The following RIT2 variants were observed in gnomAD, a reference collection of about 807,000 sequenced individuals.
RIT2 encodes the protein Ras like without CAAX 2.
A neutral mutation model predicts 23.7 loss-of-function variants in RIT2; 24 were observed. The observed-to-expected ratio is 1.01, with a 90% CI of 0.73 to 1.43. The LOEUF is 1.43. RIT2 is among the 40% of genes most tolerant of loss of function. RIT2 has a pLI of 0.00. For synonymous variants in RIT2, 107 were observed against 91.1 expected (o/e 1.17, Z -0.99); for missense variants, 236 against 266.9 (o/e 0.88, Z 0.81).
At chr18:43,026,624 GAAAGAAAGAA>G (rs1568059906) in intron 2 of RIT2, among the ~76,000 whole-genome samples, 1,471 of 140,388 alleles carry the variant, frequency 0.01, 20 homozygotes, top group Middle Eastern at 0.031. Context: ...AAGAAAGAAA[GAAAGAAAGAA>G]AGAGAGAAAG....
chr18:42,769,674 TC>T (rs1454861284), intron 4 of RIT2, among the ~76,000 whole-genome samples: 1 of 151,928 alleles, frequency 6.6e-6, no homozygotes, highest in Non-Finnish European at 1.5e-5. Flanking sequence ...CTCATAGGAC[TC>T]AGAGGGCCAC....
chr18:42,817,485 G>A (rs1447485336), intron 4 of RIT2, among the ~76,000 whole-genome samples: 1 of 152,104 alleles, frequency 6.6e-6, no homozygotes, highest in African/African-American at 2.4e-5. Context: ...TTTATTAGAT[G>A]TCATAATTAT....
intron 4 of RIT2, among the ~76,000 whole-genome samples, chr18:42,867,200 AGGCTTTGT>A (rs1907495326): frequency 6.6e-6 from 1 of 152,126 alleles, no homozygotes; most frequent in South Asian, 2.1e-4. Flanking sequence ...TGGTGACAAC[AGGCTTTGT>A]GGGGATTCTG....
At chr18:42,827,583 T>A (rs1354826105) in intron 4 of RIT2, among the ~76,000 whole-genome samples, 1 of 151,606 alleles carries the variant, frequency 6.6e-6, no homozygotes, top group Non-Finnish European at 1.5e-5. Flanking sequence ...GGCAAGGAAC[T>A]CACACACAAA....
chr18:42,857,598 C>A (rs1402181802), intron 4 of RIT2, among the ~76,000 whole-genome samples: 1 of 152,304 alleles, frequency 6.6e-6, no homozygotes, highest in Non-Finnish European at 1.5e-5. Context: ...CTGCTGGTGT[C>A]ATTTACAACT....
intron 3 of RIT2, among the ~76,000 whole-genome samples, chr18:42,956,106 G>A (rs983981256): frequency 2.0e-5 from 3 of 152,098 alleles, no homozygotes; most frequent in African/African-American, 7.2e-5. Context: ...GAAAATTCAG[G>A]TAAAGAGTGA....
intron 4 of RIT2, among the ~76,000 whole-genome samples, chr18:42,872,611 T>G (rs1189611996): frequency 2.0e-5 from 3 of 152,234 alleles, no homozygotes; most frequent in Non-Finnish European, 2.9e-5. Context: ...TTCTGTTTAT[T>G]AAGTAATTAG....
intron 2 of RIT2, among the ~76,000 whole-genome samples, chr18:42,999,575 G>T (rs967407736): frequency 6.6e-6 from 1 of 152,156 alleles, no homozygotes; most frequent in East Asian, 1.9e-4. Flanking sequence ...ATCCAACTTG[G>T]CAAATTAACT....
chr18:42,894,681 G>A (rs763227693), intron 4 of RIT2, among the ~76,000 whole-genome samples: 8 of 152,136 alleles, frequency 5.3e-5, no homozygotes, highest in Non-Finnish European at 1.0e-4. Context: ...GTTTATTAGA[G>A]TCAAAATTGA....
intron 4 of RIT2, among the ~76,000 whole-genome samples, chr18:42,830,065 A>T (rs1906412124): frequency 6.6e-6 from 1 of 152,178 alleles, no homozygotes; most frequent in Admixed American, 6.6e-5. Flanking sequence ...ACAAGGAGTG[A>T]GAATTTCTAA....
chr18:43,106,028 CCTGAGTGAATTA>C (rs1404053774), intron 1 of RIT2, among the ~76,000 whole-genome samples: 1 of 152,136 alleles, frequency 6.6e-6, no homozygotes, highest in African/African-American at 2.4e-5. Context: ...GCTCTGGGTT[CCTGAGTGAATTA>C]CTCACCATCT....
chr18:42,984,881 A>G (rs1910675545), intron 2 of RIT2, among the ~76,000 whole-genome samples: 1 of 152,032 alleles, frequency 6.6e-6, no homozygotes, highest in Non-Finnish European at 1.5e-5. Flanking sequence ...AGATAAGAAT[A>G]CTCAGTATCA....
At chr18:43,042,118 C>A (rs1213575336) in intron 1 of RIT2, among the ~76,000 whole-genome samples, 1 of 152,036 alleles carries the variant, frequency 6.6e-6, no homozygotes, top group Non-Finnish European at 1.5e-5. Flanking sequence ...GATGTCCTGT[C>A]AGTGAAATGG....
At chr18:43,022,867 T>C (rs1911628580) in intron 2 of RIT2, among the ~76,000 whole-genome samples, 1 of 152,098 alleles carries the variant, frequency 6.6e-6, no homozygotes, top group South Asian at 2.1e-4. Context: ...GCGATAAGAT[T>C]ATACTAGCAT....
intron 1 of RIT2, among the ~76,000 whole-genome samples, chr18:43,070,867 C>T (rs1912882258): frequency 6.6e-6 from 1 of 152,164 alleles, no homozygotes; most frequent in South Asian, 2.1e-4. Context: ...TCTGCAATTA[C>T]AAGCCAGCTC....
intron 2 of RIT2, among the ~76,000 whole-genome samples, chr18:43,031,930 A>G (rs1911863373): frequency 6.6e-6 from 1 of 152,092 alleles, no homozygotes; most frequent in Non-Finnish European, 1.5e-5. Flanking sequence ...AGTCAGCCAC[A>G]TTGAGTTACA....
chr18:42,857,279 T>C (rs1022750147), intron 4 of RIT2, among the ~76,000 whole-genome samples: 11 of 152,250 alleles, frequency 7.2e-5, no homozygotes, highest in African/African-American at 2.2e-4. Flanking sequence ...TGAGAAATAC[T>C]GAACTAAAAC....
At chr18:43,000,785 T>C (rs1049729991) in intron 2 of RIT2, among the ~76,000 whole-genome samples, 17 of 152,100 alleles carry the variant, frequency 1.1e-4, no homozygotes, top group African/African-American at 4.1e-4. Flanking sequence ...TTCTGAGGCC[T>C]CCCCAGCCAT....
chr18:42,997,053 C>T lies in RIT2; in HGVS notation c.161-22906G>A, dbSNP rs1911001200. Among the ~76,000 whole-genome samples the T allele has an allele frequency of 2.0e-5, 3 of 152,100 alleles. No homozygotes were observed. In the South Asian group the frequency reaches 6.2e-4, roughly 32 times the overall value. On this transcript the variant is annotated intron_variant, in intron 2 of 4. Coordinates refer to ENST00000326695, the MANE Select transcript of RIT2 (RefSeq NM_002930.4). ...ATCTGGTCTCCATTTACCTTTTCACCACTCAGTGGCAACAGCCTGTTGTTT... is the reference window on the plus strand; with the variant it reads ...ATCTGGTCTCCATTTACCTTTTCACTACTCAGTGGCAACAGCCTGTTGTTT...
Sources: allele counts gnomAD v4.1 joint callset (sites outside exome capture counted in the v4.1 genomes callset), GRCh38; gene constraint gnomAD v4.1.1; transcripts MANE v1.5; gene names NCBI Gene and HGNC (gene_info 2026-07-23, HGNC 2026-07-21).